Variants in IL18R1 observed in about 807,000 individuals in gnomAD.
IL18R1 encodes the protein interleukin 18 receptor 1.
Under a neutral mutation model 48.5 loss-of-function variants are expected in IL18R1, and 40 were observed. The observed-to-expected ratio is 0.82, with a 90% CI of 0.64 to 1.07. The LOEUF is 1.07. IL18R1 is among the 50% of genes least tolerant of loss of function. The probability of loss-of-function intolerance (pLI) is 0.00; values close to 1 mark genes in which losing one functional copy is unlikely to be tolerated. For synonymous variants in IL18R1, 232 were observed against 225.9 expected (o/e 1.03, Z -0.24); for missense variants, 596 against 633.7 (o/e 0.94, Z 0.64).
intron 2 of IL18R1, among the ~76,000 whole-genome samples, chr2:102,363,214 T>C (rs1678687835): frequency 6.6e-6 from 1 of 152,032 alleles, no homozygotes; most frequent in South Asian, 2.1e-4. Flanking sequence ...TTTTTTTATT[T>C]GAGAAGGATT....
At chr2:102,374,671 G>A (rs894886573) in intron 4 of IL18R1, among the ~76,000 whole-genome samples, 9 of 152,012 alleles carry the variant, frequency 5.9e-5, no homozygotes, top group African/African-American at 1.4e-4. Context: ...CCAACTGCTC[G>A]GGAGGCTGAG....
intron 8 of IL18R1, among the ~76,000 whole-genome samples, chr2:102,389,251 C>T (rs889825069): frequency 7.2e-5 from 11 of 152,088 alleles, no homozygotes. Flanking sequence ...CATATAATCT[C>T]AGTTAACTAA....
chr2:102,368,756 G>A (rs935790892), intron 3 of IL18R1, among the ~76,000 whole-genome samples: 1 of 152,160 alleles, frequency 6.6e-6, no homozygotes, highest in Non-Finnish European at 1.5e-5. Flanking sequence ...CTTTTTAGAT[G>A]TACCTACCTA....
At chr2:102,363,297 A>G (rs1443622378) in intron 2 of IL18R1, among the ~76,000 whole-genome samples, 1 of 152,000 alleles carries the variant, frequency 6.6e-6, no homozygotes, top group East Asian at 1.9e-4. Flanking sequence ...AGAAAGTGGG[A>G]GCACAAATAT....
At chr2:102,393,265 AG>A (rs200044331) in intron 9 of IL18R1, among the ~76,000 whole-genome samples, 1 of 103,724 alleles carries the variant, frequency 9.6e-6, no homozygotes, top group Non-Finnish European at 1.9e-5. Flanking sequence ...GAAAAGTTTG[AG>A]GGGGAACCTA....
chr2:102,369,933 G>C (rs1421526420), intron 3 of IL18R1, among the ~76,000 whole-genome samples: 1 of 152,232 alleles, frequency 6.6e-6, no homozygotes, highest in Non-Finnish European at 1.5e-5. Context: ...TGATAGAGAT[G>C]AAGAAATGAA....
intron 7 of IL18R1, 40 bp from the exon 8 acceptor site, chr2:102,386,821 C>T (rs372335269): frequency 3.0e-4 from 490 of 1,607,038 alleles, no homozygotes; most frequent in Non-Finnish European, 3.9e-4. Context: ...TCAAGGGTAA[C>T]GAACAGAGCC....
chr2:102,371,867 T>C lies in IL18R1; in HGVS notation c.303-86T>C, dbSNP rs968228471. 7 of 727,946 alleles carry C rather than the reference T, an allele frequency of 9.6e-6. No homozygotes were observed. In the Admixed American group the frequency reaches 1.7e-4, roughly 18 times the overall value. The allele number at this position is 727,946 out of a possible 1,614,324, so 45.1% of individuals were successfully genotyped here. ...CTTTAATAAAAATAAAGGAAAAATA[T>C]TGTAACTGGTTACTAAAGGGAAGAT... On this transcript the variant is annotated intron_variant, in intron 3 of 10. Transcript: ENST00000233957.
At chr2:102,382,773 C>A (rs1272531432) in intron 6 of IL18R1, among the ~76,000 whole-genome samples, 1 of 152,146 alleles carries the variant, frequency 6.6e-6, no homozygotes, top group Non-Finnish European at 1.5e-5. Context: ...CAGCTGGGTC[C>A]TATGCCATTT....
chr2:102,375,907 A>T lies in IL18R1; in HGVS notation c.469A>T (p.Asn157Tyr). Residue 157 changes from asparagine to tyrosine, a missense_variant and splice_region_variant, in exon 5 of 11, where the codon AAC becomes TAC. Asn to Tyr is a moderately radical substitution (Grantham distance 143, BLOSUM62 -2). Transcript: ENST00000233957. ...TTTTAACTTGTTTTATTAAAAACAGAACTGTAAAAAGCTACTACTGGAGAA... is the reference window on the plus strand; with the variant it reads ...TTTTAACTTGTTTTATTAAAAACAGTACTGTAAAAAGCTACTACTGGAGAA... ...TLVNSTSLYKNCKKLLLENNK... is the reference protein window; with the variant it reads ...TLVNSTSLYKYCKKLLLENNK... 4 of 1,562,712 alleles carry T rather than the reference A, an allele frequency of 2.6e-6. No homozygotes were observed. Among genetic ancestry groups the T allele is most frequent in the Non-Finnish European group, 3.4e-6 (4 of 1,161,456 alleles).
At chr2:102,371,346 A>G (rs1035765950) in intron 3 of IL18R1, among the ~76,000 whole-genome samples, 3 of 152,108 alleles carry the variant, frequency 2.0e-5, no homozygotes, top group Admixed American at 6.5e-5. Context: ...CTGATCACTA[A>G]TTTCTGATCA....
At chr2:102,380,653 C>T (rs1679866703) in intron 5 of IL18R1, among the ~76,000 whole-genome samples, 1 of 152,174 alleles carries the variant, frequency 6.6e-6, no homozygotes, top group Admixed American at 6.5e-5. Context: ...ACTGCATTCT[C>T]AACTGCTCAC....
intron 1 of IL18R1, among the ~76,000 whole-genome samples, chr2:102,360,208 C>T (rs931949323): frequency 6.6e-6 from 1 of 152,170 alleles, no homozygotes; most frequent in Non-Finnish European, 1.5e-5. Context: ...TTTTGTGACA[C>T]AGGAAAAATG....
At position 102,394,478 on chromosome 2, in the gene IL18R1, C is replaced by G; in HGVS notation, c.1121C>G (p.Thr374Arg). Residue 374 changes from threonine to arginine, a missense_variant, in exon 10 of 11, where the codon ACA (threonine) becomes AGA (arginine). Physicochemically the swap from Thr to Arg is moderately conservative, Grantham distance 71. This residue lies in a region of IL18R1 where 179 missense variants were observed against 206.1 expected (regional missense o/e 0.87). Coordinates refer to ENST00000233957, the MANE Select transcript of IL18R1 (RefSeq NM_003855.5). Reference sequence around the variant, plus strand: ...CAATCTTACCTCCTAGATGGAAAAACATATGATGCTTTTGTGTCTTACCTA... The same window carrying G: ...CAATCTTACCTCCTAGATGGAAAAAGATATGATGCTTTTGTGTCTTACCTA... The part of the protein sequence containing the change: ...RRDETLTDGK[T>R]YDAFVSYLKE... The G allele has an allele frequency of 6.2e-7, 1 of 1,609,476 alleles. No homozygotes were observed. The highest frequency in any genetic ancestry group is 8.5e-7 in the Non-Finnish European group (1 of 1,177,410).
At chr2:102,368,403 C>T (rs549614849) in intron 3 of IL18R1, among the ~76,000 whole-genome samples, 1 of 152,260 alleles carries the variant, frequency 6.6e-6, no homozygotes, top group East Asian at 1.9e-4. Context: ...ATCAGCAGCT[C>T]GGACTTCACG....
chr2:102,390,643 C>A (rs945406111), intron 9 of IL18R1, among the ~76,000 whole-genome samples: 1 of 152,084 alleles, frequency 6.6e-6, no homozygotes, highest in African/African-American at 2.4e-5. Flanking sequence ...CGTGTAAGAA[C>A]CCCCAGCTGG....
At chr2:102,374,002 T>C (rs1679424768) in intron 4 of IL18R1, 1 of 433,246 alleles carries the variant, frequency 2.3e-6, no homozygotes, top group South Asian at 1.7e-5. Flanking sequence ...TGGTGAGTTG[T>C]ATAATTATCT....
At chr2:102,361,848 G>A (rs781725034) in intron 1 of IL18R1, among the ~76,000 whole-genome samples, 2 of 152,206 alleles carry the variant, frequency 1.3e-5, no homozygotes, top group Admixed American at 6.5e-5. Flanking sequence ...TCAGAACTCC[G>A]AATGCTAGGT....
chr2:102,358,195 T>G (rs558437673), intron 1 of IL18R1, among the ~76,000 whole-genome samples: 1 of 152,106 alleles, frequency 6.6e-6, no homozygotes, highest in African/African-American at 2.4e-5. Flanking sequence ...GAAAGAGCTT[T>G]GAAATGGCTC....
Sources: gnomAD v4.1 joint callset for allele counts (sites outside exome capture counted in the v4.1 genomes callset) on GRCh38, gnomAD v4.1.1 for gene constraint, gnomAD v4.1.1 regional missense constraint, MANE v1.5 for transcripts, NCBI Gene and HGNC (gene_info 2026-07-23, HGNC 2026-07-21) for gene names.